DGKH: variants seen among roughly 807,000 people sequenced by gnomAD.
DGKH encodes the protein DAG kinase eta.
In DGKH, 90 loss-of-function variants were observed where a neutral mutation model predicts 159.3. The observed-to-expected ratio is 0.57, with a 90% CI of 0.48 to 0.67. The LOEUF (loss-of-function observed/expected upper bound fraction) is 0.67. Among genes scored for constraint, DGKH ranks in the 30% least tolerant of loss-of-function variants. DGKH has a pLI of 0.00. For missense variants in DGKH, 1,181 were observed against 1,506.1 expected, an observed-to-expected ratio of 0.78 and a Z score of 3.57; for synonymous variants, 536 against 553.8, an observed-to-expected ratio of 0.97 and a Z score of 0.45.
intron 1 of DGKH, among the ~76,000 whole-genome samples, chr13:42,072,997 A>G (rs1489674867): frequency 2.0e-5 from 3 of 152,246 alleles, no homozygotes; most frequent in East Asian, 3.9e-4. Context: ...GGGCAGGGAT[A>G]TTTGTCTATT....
downstream of DGKH, among the ~76,000 whole-genome samples, chr13:42,245,416 A>G (rs181214976): frequency 2.6e-5 from 4 of 152,354 alleles, no homozygotes; most frequent in East Asian, 7.7e-4. Context: ...ATCAGATCAG[A>G]GGACCAGATC....
intron 1 of DGKH, among the ~76,000 whole-genome samples, chr13:42,101,098 C>G (rs957076753): frequency 6.6e-6 from 1 of 152,198 alleles, no homozygotes; most frequent in Non-Finnish European, 1.5e-5. Context: ...TGCCTTTATC[C>G]TCTGCTCTAG....
chr13:42,110,217 T>C (rs1954836299), intron 1 of DGKH, among the ~76,000 whole-genome samples: 1 of 152,156 alleles, frequency 6.6e-6, no homozygotes. Flanking sequence ...GGCTCAGCAG[T>C]CAGATGCCTG....
At chr13:42,041,466 A>G (rs1880501109) in intron 1 of DGKH, among the ~76,000 whole-genome samples, 1 of 152,242 alleles carries the variant, frequency 6.6e-6, no homozygotes, top group African/African-American at 2.4e-5. Context: ...GGGACGAAGC[A>G]GAAAGCTGAC....
chr13:42,254,831 G>T (rs987788669), intron 30 of DGKH, among the ~76,000 whole-genome samples: 5 of 152,038 alleles, frequency 3.3e-5, no homozygotes, highest in African/African-American at 1.2e-4. Context: ...GTTTCGTGAT[G>T]ATTTCTACAT....
chr13:42,079,224 A>G (rs1954154715), intron 1 of DGKH, among the ~76,000 whole-genome samples: 1 of 152,098 alleles, frequency 6.6e-6, no homozygotes, highest in African/African-American at 2.4e-5. Context: ...CCCAAGAGGC[A>G]TATTCTTTAA....
intron 1 of DGKH, among the ~76,000 whole-genome samples, chr13:42,120,858 T>G (rs1022275060): frequency 2.6e-5 from 4 of 152,236 alleles, no homozygotes; most frequent in African/African-American, 9.6e-5. Flanking sequence ...TCTGGAGAGA[T>G]AGTATTCACA....
In DGKH at chr13:42,168,765, A is replaced by G; in HGVS notation, c.1314A>G (p.Gln438=). The change falls in exon 11 of 30, where the codon CAA becomes CAG. Residue 438 remains glutamine, a synonymous_variant. Coordinates refer to ENST00000337343, the MANE Select transcript of DGKH (RefSeq NM_178009.5). ...GAGGTTCATATGACGATGACACCCA[A>G]CTTCCTCAGATCCTAGAGAAACTGG... ...GWGGSYDDDT[Q]LPQILEKLER... The G allele has an allele frequency of 2.5e-6, 4 of 1,614,108 alleles. No homozygotes were observed. Among genetic ancestry groups the G allele is most frequent in the Non-Finnish European group, 3.4e-6 (4 of 1,179,988 alleles).
chr13:42,157,068 A>C (rs1418394322), intron 5 of DGKH, among the ~76,000 whole-genome samples: 1 of 152,230 alleles, frequency 6.6e-6, no homozygotes, highest in Non-Finnish European at 1.5e-5. Context: ...GTTTTGTAAG[A>C]AACTTATTCC....
chr13:42,173,697 T>A (rs368468482), intron 11 of DGKH, among the ~76,000 whole-genome samples: 9 of 152,198 alleles, frequency 5.9e-5, no homozygotes, highest in African/African-American at 9.7e-5. Flanking sequence ...CATTATTTTT[T>A]AAATAGAACA....
intron 15 of DGKH, among the ~76,000 whole-genome samples, chr13:42,189,955 A>G (rs1293847842): frequency 1.3e-5 from 2 of 152,172 alleles, no homozygotes; most frequent in East Asian, 1.9e-4. Flanking sequence ...GGCGTGAACC[A>G]CTGCACCCTG....
At chr13:42,205,268 G>A (rs1430102937) in intron 20 of DGKH, among the ~76,000 whole-genome samples, 1 of 152,036 alleles carries the variant, frequency 6.6e-6, no homozygotes, top group Non-Finnish European at 1.5e-5. Flanking sequence ...TTTTTCTTGA[G>A]TAATTTTTAA....
chr13:42,135,525 G>GA (rs893609540), intron 3 of DGKH, among the ~76,000 whole-genome samples: 1 of 122,720 alleles, frequency 8.1e-6, no homozygotes, highest in African/African-American at 2.8e-5. Context: ...GAGAGAAAAA[G>GA]AAAAAAAATA....
In DGKH at chr13:42,233,789, C is replaced by G. The variant is rs932573078; in HGVS notation, c.*4601C>G. The G allele has an allele frequency of 6.6e-6, 1 of 152,174 alleles. No individual in the cohort carries two copies. Among genetic ancestry groups the G allele is most frequent in the Non-Finnish European group, 1.5e-5 (1 of 68,038 alleles). The allele number at this position is 152,174 out of a possible 1,614,324, so 9.4% of individuals were successfully genotyped here. ...TTGTTCACAACTTAATCACGGGGGA[C>G]ATTTCAGAAAAATGTGTACTAAGTT... is the stretch of plus-strand genomic sequence containing the variant. On this transcript the variant is annotated 3_prime_UTR_variant, in exon 30 of 30. Transcript: ENST00000337343.
intron 3 of DGKH, among the ~76,000 whole-genome samples, chr13:42,142,591 C>T (rs946426834): frequency 3.3e-5 from 5 of 151,840 alleles, no homozygotes; most frequent in Admixed American, 3.3e-4. Context: ...GTTTGTAGTT[C>T]TCCTTGAAGA....
intron 24 of DGKH, 103 bp downstream of exon 24, chr13:42,210,868 G>A: frequency 9.8e-7 from 1 of 1,017,798 alleles, no homozygotes; most frequent in Non-Finnish European, 1.4e-6. Flanking sequence ...ATCAAAAAGA[G>A]ATGCAATTAC....
rs191030145 is a variant in DGKH, at chr13:42,203,294, A to C, written c.2494-2745A>C. ...TTCGGAAGAGTAAAGGCATTGCTTA[A>C]GTTCAAACAGCTGATAAGTGGAAGA... is the stretch of plus-strand genomic sequence containing the variant. On this transcript the variant is annotated intron_variant, in intron 20 of 29. Coordinates refer to ENST00000337343, the MANE Select transcript of DGKH (RefSeq NM_178009.5). 1.6e-4 allele frequency among the ~76,000 whole-genome samples: 25 copies of C among 152,350 alleles called. No homozygotes were observed. The East Asian group carries it at 4.2e-3, about 26-fold the overall frequency.
intron 29 of DGKH, among the ~76,000 whole-genome samples, chr13:42,248,172 A>G (rs1298943103): frequency 6.6e-6 from 1 of 152,206 alleles, no homozygotes; most frequent in East Asian, 1.9e-4. Context: ...CTGTAATCCC[A>G]GCACTTTGGG....
chr13:42,055,940 A>G lies in DGKH; in HGVS notation c.192+6975A>G, dbSNP rs368121581. Among the ~76,000 whole-genome samples the G allele has an allele frequency of 7.2e-5, 11 of 152,288 alleles. No individual in the cohort carries two copies. In the East Asian group the frequency reaches 1.4e-3, roughly 19 times the overall value. ...TGAGCTGGTAAGGTTGCTTAATGCCAAGAGTCTGAGACAAACTTTAGCAAA... is the reference window on the plus strand; with the variant it reads ...TGAGCTGGTAAGGTTGCTTAATGCCGAGAGTCTGAGACAAACTTTAGCAAA... On this transcript the variant is annotated intron_variant, in intron 1 of 29. Transcript: ENST00000337343.
Sources: allele counts gnomAD v4.1 joint callset (sites outside exome capture counted in the v4.1 genomes callset), GRCh38; gene constraint gnomAD v4.1.1; transcripts MANE v1.5; gene names NCBI Gene and HGNC (gene_info 2026-07-23, HGNC 2026-07-21).